CASZ1: variants seen among roughly 807,000 people sequenced by gnomAD.
CASZ1 encodes the protein castor zinc finger 1, also known as zinc finger protein castor homolog 1.
CASZ1 carries 28 observed loss-of-function variants against 135.2 expected under a neutral mutation model. The ratio of observed to expected loss-of-function variants is 0.21; its 90% CI spans 0.15 to 0.28. CASZ1 has a LOEUF of 0.28. Ranked by LOEUF, CASZ1 falls within the 10% of genes least tolerant of loss-of-function variation. CASZ1 has a pLI of 1.00. For synonymous variants in CASZ1, 1,068 were observed against 1,073.4 expected (o/e 0.99, Z 0.10); for missense variants, 2,161 against 2,453.3 (o/e 0.88, Z 2.52).
chr1:10,743,320 C>T (rs1639963727), intron 2 of CASZ1, among the ~76,000 whole-genome samples: 3 of 151,678 alleles, frequency 2.0e-5, no homozygotes, highest in African/African-American at 7.3e-5. Context: ...AGACTCTAGC[C>T]TGAGGCTGGC....
Position 10,751,970 on chromosome 1 carries a change from G to T in CASZ1, c.-77+8731C>A, listed in dbSNP as rs548062907. On this transcript the variant is annotated intron_variant, in intron 2 of 20. Transcript: ENST00000377022. ...CCACAGGAACGGATCTAGGATGTGA[G>T]GGGTCACCAGAGGGAGCAGTAAGGA... is the stretch of plus-strand genomic sequence containing the variant. 3.5e-4 allele frequency among the ~76,000 whole-genome samples: 54 copies of T among 152,304 alleles called. 1 individual carries two copies. Among genetic ancestry groups the T allele is most frequent in the Admixed American group, 2.8e-3 (43 of 15,304 alleles).
At chr1:10,754,958 C>T (rs1345394929) in intron 2 of CASZ1, among the ~76,000 whole-genome samples, 4 of 152,230 alleles carry the variant, frequency 2.6e-5, no homozygotes, top group East Asian at 3.9e-4. Flanking sequence ...CCTCTTACCC[C>T]GTTGGCCACG....
chr1:10,731,230 A>G (rs1639696868), intron 2 of CASZ1, among the ~76,000 whole-genome samples: 1 of 152,200 alleles, frequency 6.6e-6, no homozygotes, highest in African/African-American at 2.4e-5. Flanking sequence ...TGAGTCATTC[A>G]AAGTGCTCAT....
At position 10,719,766 on chromosome 1, in the gene CASZ1, C is replaced by T. The variant is rs192469906; in HGVS notation, c.-76-14222G>A. 3.3e-5 allele frequency among the ~76,000 whole-genome samples: 5 copies of T among 152,328 alleles called. No individual in the cohort carries two copies. The highest frequency in any genetic ancestry group is 3.9e-4 in the East Asian group (2 of 5,172). The stretch of plus-strand genomic sequence containing the variant: ...GGAATAGAGGAATTGGGCACTTCAA[C>T]GTTCCAAGCAAAAACTGCACACAAA... On this transcript the variant is annotated intron_variant, in intron 2 of 20. Transcript: ENST00000377022. The surrounding 1 kb of genome is among the most constrained non-coding windows in gnomAD (Gnocchi z 4.0).
At position 10,646,314 on chromosome 1, in the gene CASZ1, G is replaced by T. The variant is rs369071255; in HGVS notation, c.3510C>A (p.Leu1170=). ...FLQFQENDPC[L]ATDCKYANKF... The stretch of plus-strand genomic sequence containing the variant: ...TGTTGGCGTACTTGCAGTCCGTGGC[G>T]AGGCAAGGATCGCTGGAAGGAAACC... The change falls in exon 17 of 21, where the codon CTC becomes CTA. Residue 1170 remains leucine, a synonymous_variant. Transcript: ENST00000377022. The surrounding 1 kb of genome is among the most constrained non-coding windows in gnomAD (Gnocchi z 6.4). 1 of 1,613,984 alleles carries T rather than the reference G, an allele frequency of 6.2e-7. No homozygotes were observed. Among genetic ancestry groups the T allele is most frequent in the East Asian group, 2.2e-5 (1 of 44,888 alleles).
intron 2 of CASZ1, among the ~76,000 whole-genome samples, chr1:10,734,858 G>A (rs976308262): frequency 6.6e-6 from 1 of 152,126 alleles, no homozygotes; most frequent in Admixed American, 6.5e-5. Context: ...GGGTGCCACG[G>A]AGGATCTGAG....
rs1638485395 is a variant in CASZ1, at chr1:10,683,304, G to T, written c.16+10570C>A. On this transcript the variant is annotated intron_variant, in intron 4 of 20. Transcript: ENST00000377022. ...CAGTGTGGTCTACACTGGGAAAGAA[G>T]CTGGTTCACTCTCAGATTACAACCA... 2.0e-5 allele frequency among the ~76,000 whole-genome samples: 3 copies of T among 152,120 alleles called. No homozygotes were observed. The South Asian group carries it at 6.2e-4, about 32-fold the overall frequency.
At chr1:10,742,393 C>T (rs74543418) in intron 2 of CASZ1, among the ~76,000 whole-genome samples, 10,476 of 152,208 alleles carry the variant, frequency 0.069, 429 homozygotes, top group Non-Finnish European at 0.1. Flanking sequence ...AGTGAATTCT[C>T]GGCTCGGACG....
chr1:10,784,594 C>T (rs1418622043), intron 1 of CASZ1, among the ~76,000 whole-genome samples: 1 of 152,140 alleles, frequency 6.6e-6, no homozygotes, highest in African/African-American at 2.4e-5. Context: ...GAGCGAGTCT[C>T]GCTCTGTTGC....
chr1:10,769,760 G>T (rs1640543332), intron 1 of CASZ1, among the ~76,000 whole-genome samples: 1 of 152,152 alleles, frequency 6.6e-6, no homozygotes, highest in South Asian at 2.1e-4. Flanking sequence ...CAAGTGATCT[G>T]CCCACCTTGG....
intron 17 of CASZ1, among the ~76,000 whole-genome samples, chr1:10,645,402 C>T (rs922251427): frequency 6.6e-6 from 1 of 152,120 alleles, no homozygotes; most frequent in Non-Finnish European, 1.5e-5. Context: ...TGGTGGCGGG[C>T]GCCTGTAGTC....
chr1:10,701,989 G>A lies in CASZ1; in HGVS notation c.-24+3503C>T, dbSNP rs1407662899. Among the ~76,000 whole-genome samples, 5 of 152,226 alleles carry A rather than the reference G, an allele frequency of 3.3e-5. No individual in the cohort carries two copies. The highest frequency in any genetic ancestry group is 1.9e-4 in the East Asian group (1 of 5,192). ...GGGCTTCCGGCCCCGCTGCCTGGGC[G>A]GCGTCTGTCTTCCTTTGCGGACAGC... On this transcript the variant is annotated intron_variant, in intron 3 of 20. Coordinates refer to ENST00000377022, the MANE Select transcript of CASZ1 (RefSeq NM_001079843.3). The surrounding 1 kb of genome is among the most constrained non-coding windows in gnomAD (Gnocchi z 6.3).
rs1255871093 is a variant in CASZ1 at position 10,646,109 on chromosome 1, C to T, written c.3696+19G>A. On this transcript the variant is annotated intron_variant, in intron 17 of 20. Coordinates refer to ENST00000377022, the MANE Select transcript of CASZ1 (RefSeq NM_001079843.3). This position sits in a 1 kb window ranked among gnomAD's most constrained non-coding sequence, Gnocchi z 6.4. ...CCTGCCCCCTACTCTGCCCCTGCGC[C>T]GTGTACCGCCATGCTGACCTGGTTG... is the stretch of plus-strand genomic sequence containing the variant. 3.7e-5 allele frequency: 59 copies of T among 1,612,992 alleles called. No homozygotes were observed. The highest frequency in any genetic ancestry group is 4.6e-5 in the Non-Finnish European group (54 of 1,179,502).
chr1:10,660,666 T>G, intron 5 of CASZ1, 130 bp from the exon 6 acceptor site: 1 of 646,074 alleles, frequency 1.5e-6, no homozygotes, highest in South Asian at 1.9e-5. Flanking sequence ...ACACGATCTA[T>G]GGACGTTTGG....
At position 10,692,397 on chromosome 1, in the gene CASZ1, G is replaced by T. The variant is rs1283177423; in HGVS notation, c.16+1477C>A. The stretch of plus-strand genomic sequence containing the variant: ...GAGGTCTGCTTCTTGGCTGGGATGG[G>T]TGGGGGCCCCATTTCCGAAGAAAGG... On this transcript the variant is annotated intron_variant, in intron 4 of 20. Coordinates refer to ENST00000377022, the MANE Select transcript of CASZ1 (RefSeq NM_001079843.3). Among the ~76,000 whole-genome samples the T allele has an allele frequency of 2.0e-5, 3 of 152,174 alleles. No homozygotes were observed. The South Asian group carries it at 6.2e-4, about 32-fold the overall frequency.
At chr1:10,740,197 G>A (rs1639886963) in intron 2 of CASZ1, among the ~76,000 whole-genome samples, 1 of 152,200 alleles carries the variant, frequency 6.6e-6, no homozygotes, top group Admixed American at 6.5e-5. Flanking sequence ...AAGGCCACTT[G>A]CCCAATGTCT....
chr1:10,651,514 G>T (rs1295433014), intron 11 of CASZ1: 1 of 153,720 alleles, frequency 6.5e-6, no homozygotes, highest in Non-Finnish European at 1.4e-5. Flanking sequence ...GCCCCCGCAC[G>T]GAGCATGCCC....
Position 10,640,025 on chromosome 1 carries a change from G to C in CASZ1, c.4197C>G (p.Ala1399=). ...NTISMPTASG[A]KKRFWIIEDM... ...CCTCGATGATCCAGAAGCGCTTTTT[G>C]GCCCCCGAGGCTGTCGGCATAGAGA... Residue 1399 remains alanine (A), a synonymous_variant, in exon 21 of 21, where the codon GCC becomes GCG. Coordinates refer to ENST00000377022, the MANE Select transcript of CASZ1 (RefSeq NM_001079843.3). 1 of 1,610,492 alleles carries C rather than the reference G, an allele frequency of 6.2e-7. No individual in the cohort carries two copies. Among genetic ancestry groups the C allele is most frequent in the African/African-American group, 1.3e-5 (1 of 75,062 alleles).
rs569039298 is a variant in CASZ1 at position 10,706,872 on chromosome 1, C to T, written c.-76-1328G>A. Among the ~76,000 whole-genome samples, 1 of 148,734 alleles carries T rather than the reference C, an allele frequency of 6.7e-6. No homozygotes were observed. The highest frequency in any genetic ancestry group is 2.5e-5 in the African/African-American group (1 of 40,124). The stretch of plus-strand genomic sequence containing the variant: ...GCGGGGGGGTCTGCAGAGAGCTGGG[C>T]GGACCCCTGAGACAGGGGGCGGTAG... On this transcript the variant is annotated intron_variant, in intron 2 of 20. Coordinates refer to ENST00000377022, the MANE Select transcript of CASZ1 (RefSeq NM_001079843.3). This position sits in a 1 kb window ranked among gnomAD's most constrained non-coding sequence, Gnocchi z 4.3.
Sources: allele counts gnomAD v4.1 joint callset (sites outside exome capture counted in the v4.1 genomes callset), GRCh38; gene constraint gnomAD v4.1.1; non-coding constraint Gnocchi (gnomAD v3.1); transcripts MANE v1.5; gene names NCBI Gene and HGNC (gene_info 2026-07-23, HGNC 2026-07-21).